Variants in NCAM2 observed in about 807,000 individuals in gnomAD.
The protein encoded by NCAM2 is N-CAM-2.
A neutral mutation model predicts 98.1 loss-of-function variants in NCAM2; 30 were observed. The observed-to-expected ratio is 0.31, with a 90% confidence interval of 0.23 to 0.41. NCAM2 has a LOEUF of 0.41. NCAM2 is among the 10% of genes least tolerant of loss of function. The pLI is 1.00. For missense variants in NCAM2, 867 were observed against 1,005.8 expected, an observed-to-expected ratio of 0.86 and a Z score of 1.87; for synonymous variants, 368 against 342.4, an observed-to-expected ratio of 1.07 and a Z score of -0.83.
intron 14 of NCAM2, among the ~76,000 whole-genome samples, chr21:21,470,583 T>C (rs1984318534): frequency 6.6e-6 from 1 of 152,070 alleles, no homozygotes; most frequent in South Asian, 2.1e-4. Flanking sequence ...CCTTTCTCTT[T>C]CTCCTCCCAA....
At chr21:21,158,770 A>G (rs1488059401) in intron 1 of NCAM2, among the ~76,000 whole-genome samples, 1 of 152,158 alleles carries the variant, frequency 6.6e-6, no homozygotes, top group Non-Finnish European at 1.5e-5. Flanking sequence ...AATATAGCAC[A>G]TATGTTTATA....
At chr21:21,502,983 T>C (rs1306313799) in intron 15 of NCAM2, among the ~76,000 whole-genome samples, 1 of 152,002 alleles carries the variant, frequency 6.6e-6, no homozygotes, top group Non-Finnish European at 1.5e-5. Context: ...GCTAGTTTTA[T>C]GAATCTAATA....
At chr21:21,031,537 A>G (rs1045253415) in intron 1 of NCAM2, among the ~76,000 whole-genome samples, 12 of 151,084 alleles carry the variant, frequency 7.9e-5, no homozygotes, top group African/African-American at 2.4e-4. Context: ...TAATATACTA[A>G]TTGGCAATAA....
chr21:21,198,919 C>T (rs1444135465), intron 1 of NCAM2, among the ~76,000 whole-genome samples: 2 of 152,058 alleles, frequency 1.3e-5, no homozygotes, highest in Non-Finnish European at 2.9e-5. Flanking sequence ...ATTCACTTTC[C>T]ATTATGTATC....
At chr21:21,207,640 C>T (rs1436829696) in intron 1 of NCAM2, among the ~76,000 whole-genome samples, 1 of 152,104 alleles carries the variant, frequency 6.6e-6, no homozygotes, top group Non-Finnish European at 1.5e-5. Flanking sequence ...CAAACTTGAG[C>T]TATGGGTTAT....
At chr21:21,031,353 A>G (rs2064677783) in intron 1 of NCAM2, among the ~76,000 whole-genome samples, 1 of 152,228 alleles carries the variant, frequency 6.6e-6, no homozygotes, top group Non-Finnish European at 1.5e-5. Flanking sequence ...GAAGAGCCTT[A>G]GCAAATTCCT....
chr21:21,187,647 A>C (rs1259686101), intron 1 of NCAM2, among the ~76,000 whole-genome samples: 1 of 152,224 alleles, frequency 6.6e-6, no homozygotes, highest in Non-Finnish European at 1.5e-5. Flanking sequence ...GAACTATGAC[A>C]TGACATAAAC....
At chr21:21,316,994 C>A (rs1403670557) in intron 5 of NCAM2, among the ~76,000 whole-genome samples, 1 of 152,170 alleles carries the variant, frequency 6.6e-6, no homozygotes, top group Non-Finnish European at 1.5e-5. Context: ...TAAACATTTA[C>A]AATCAGCCTG....
chr21:21,379,842 A>G (rs1467912113), intron 9 of NCAM2, among the ~76,000 whole-genome samples: 1 of 152,008 alleles, frequency 6.6e-6, no homozygotes. Flanking sequence ...TTTATTAAAG[A>G]GTATTAACTC....
chr21:21,077,720 A>G (rs2146390341), intron 1 of NCAM2, among the ~76,000 whole-genome samples: 1 of 152,300 alleles, frequency 6.6e-6, no homozygotes, highest in South Asian at 2.1e-4. Context: ...ATGAACTTTC[A>G]TTGGCTCCAT....
At chr21:21,120,070 G>A (rs1263000800) in intron 1 of NCAM2, among the ~76,000 whole-genome samples, 2 of 152,070 alleles carry the variant, frequency 1.3e-5, no homozygotes, top group East Asian at 3.9e-4. Context: ...TTTGATAATT[G>A]CTTTAATCTG....
At chr21:21,197,265 G>A (rs2069037841) in intron 1 of NCAM2, among the ~76,000 whole-genome samples, 1 of 152,146 alleles carries the variant, frequency 6.6e-6, no homozygotes. Context: ...GAGTAGCTGG[G>A]ATTGCAGGTG....
intron 15 of NCAM2, among the ~76,000 whole-genome samples, chr21:21,499,478 T>G (rs1793826039): frequency 6.6e-6 from 1 of 152,084 alleles, no homozygotes; most frequent in African/African-American, 2.4e-5. Context: ...CCTGACCTCA[T>G]GATCTGCCCT....
chr21:21,072,753 T>C (rs1005168056), intron 1 of NCAM2, among the ~76,000 whole-genome samples: 13 of 152,136 alleles, frequency 8.5e-5, no homozygotes, highest in African/African-American at 3.1e-4. Flanking sequence ...CTGACTTCTA[T>C]TTAATTTTAA....
chr21:21,147,581 C>T (rs115201890), intron 1 of NCAM2, among the ~76,000 whole-genome samples: 4,036 of 150,818 alleles, frequency 0.027, 183 homozygotes, highest in African/African-American at 0.092. Context: ...TCACTGCAGC[C>T]TCAGTATACA....
chr21:21,423,847 C>G (rs993445379), intron 11 of NCAM2, among the ~76,000 whole-genome samples: 1 of 152,080 alleles, frequency 6.6e-6, no homozygotes, highest in Non-Finnish European at 1.5e-5. Flanking sequence ...TGTATTTTCA[C>G]CAGAGTCAGG....
At chr21:21,362,070 C>T (rs1466293313) in intron 8 of NCAM2, among the ~76,000 whole-genome samples, 1 of 151,848 alleles carries the variant, frequency 6.6e-6, no homozygotes, top group Non-Finnish European at 1.5e-5. Flanking sequence ...CCAGCTGTTA[C>T]TGCCTTGGCC....
intron 12 of NCAM2, among the ~76,000 whole-genome samples, chr21:21,453,265 G>A (rs981371234): frequency 2.6e-5 from 4 of 151,022 alleles, no homozygotes; most frequent in African/African-American, 9.7e-5. Flanking sequence ...ATTTTATAAA[G>A]AGGAGTCAGC....
chr21:21,201,192 T>A (rs1395527616), intron 1 of NCAM2, among the ~76,000 whole-genome samples: 1 of 152,204 alleles, frequency 6.6e-6, no homozygotes, highest in Non-Finnish European at 1.5e-5. Flanking sequence ...ATTTTATTGA[T>A]TATTAGGAAA....
Sources: gnomAD v4.1 joint callset for allele counts (sites outside exome capture counted in the v4.1 genomes callset) on GRCh38, gnomAD v4.1.1 for gene constraint, MANE v1.5 for transcripts, NCBI Gene and HGNC (gene_info 2026-07-23, HGNC 2026-07-21) for gene names.